PTPRT: variants seen among roughly 807,000 people sequenced by gnomAD.
PTPRT encodes the protein protein tyrosine phosphatase receptor type T.
A neutral mutation model predicts 176.8 loss-of-function variants in PTPRT; 56 were observed. The ratio of observed to expected loss-of-function variants is 0.32; its 90% CI spans 0.26 to 0.40. The LOEUF is 0.40. Among genes scored for constraint, PTPRT ranks in the 10% least tolerant of loss-of-function variants. The pLI is 1.00. For synonymous variants in PTPRT, 783 were observed against 739.0 expected, an observed-to-expected ratio of 1.06 and a Z score of -0.96; for missense variants, 1,540 against 1,908.2, an observed-to-expected ratio of 0.81 and a Z score of 3.60.
chr20:43,160,079 C>T (rs75827137), intron 1 of PTPRT, among the ~76,000 whole-genome samples: 3,416 of 151,930 alleles, frequency 0.022, 58 homozygotes, highest in South Asian at 0.043. Flanking sequence ...CCCGGTGCAA[C>T]CCACCAGCCC....
chr20:42,473,088 G>A (rs575112119), intron 7 of PTPRT, among the ~76,000 whole-genome samples: 3 of 152,204 alleles, frequency 2.0e-5, no homozygotes, highest in Admixed American at 6.5e-5. Context: ...TTATCCATGC[G>A]TTCATCATGA....
chr20:43,147,752 GA>G (rs1164951248), intron 1 of PTPRT, among the ~76,000 whole-genome samples: 1 of 152,140 alleles, frequency 6.6e-6, no homozygotes, highest in Non-Finnish European at 1.5e-5. Context: ...ACAGAGCCCA[GA>G]GCTGCTAGCT....
chr20:42,347,453 T>C (rs77132070), intron 11 of PTPRT, among the ~76,000 whole-genome samples: 2,899 of 152,242 alleles, frequency 0.019, 47 homozygotes, highest in Middle Eastern at 0.051. Flanking sequence ...TCAATGTACC[T>C]AGTGGTTTCA....
chr20:42,594,015 G>C (rs1199390458), intron 7 of PTPRT, among the ~76,000 whole-genome samples: 1 of 152,146 alleles, frequency 6.6e-6, no homozygotes, highest in African/African-American at 2.4e-5. Flanking sequence ...GGGAATTAAT[G>C]AAATTGCAGT....
At chr20:42,879,621 T>A (rs945600619) in intron 2 of PTPRT, among the ~76,000 whole-genome samples, 18 of 152,130 alleles carry the variant, frequency 1.2e-4, no homozygotes, top group Non-Finnish European at 2.5e-4. Context: ...TTTAGACACA[T>A]GAGCAGTTAG....
intron 1 of PTPRT, chr20:42,969,189 TA>T (rs1982477460): frequency 6.6e-6 from 1 of 152,074 alleles, no homozygotes; most frequent in African/African-American, 2.4e-5. Context: ...TTTATAGCCA[TA>T]AAAAAGAAAA....
intron 7 of PTPRT, among the ~76,000 whole-genome samples, chr20:42,628,223 G>A (rs1376233271): frequency 6.6e-6 from 1 of 152,154 alleles, no homozygotes; most frequent in East Asian, 1.9e-4. Flanking sequence ...AGGAGGCAGA[G>A]GGAAGGTAGG....
At chr20:42,630,791 C>T (rs979113764) in intron 7 of PTPRT, among the ~76,000 whole-genome samples, 1 of 152,108 alleles carries the variant, frequency 6.6e-6, no homozygotes, top group Admixed American at 6.5e-5. Context: ...TCACAATGAC[C>T]ATCATGACAT....
chr20:42,488,960 AAAAG>A (rs1238968705), intron 7 of PTPRT, among the ~76,000 whole-genome samples: 4 of 151,654 alleles, frequency 2.6e-5, no homozygotes, highest in Admixed American at 2.6e-4. Context: ...CAAAAAAAAA[AAAAG>A]AAAGAGAGAA....
At chr20:42,691,201 C>T (rs2075787934) in intron 6 of PTPRT, among the ~76,000 whole-genome samples, 1 of 152,210 alleles carries the variant, frequency 6.6e-6, no homozygotes, top group Non-Finnish European at 1.5e-5. Flanking sequence ...AGGAAAAACA[C>T]AGTAGCTGCC....
intron 16 of PTPRT, among the ~76,000 whole-genome samples, chr20:42,182,982 C>T (rs1360805210): frequency 1.3e-5 from 2 of 151,050 alleles, no homozygotes; most frequent in African/African-American, 4.9e-5. Context: ...TTTGTGCTGT[C>T]ACTTTCCTTG....
rs1159755583 is a variant in PTPRT, at chr20:42,771,550, C to A, written c.569G>T (p.Arg190Ile). ...DEVRVLAHPC[R>I]KAPHFLRLQN... ...GAGTCGCAGAAAATGAGGTGCTTTT[C>A]CTAAGAGAGAAACCAAAGAACACAA... Residue 190 changes from arginine (R) to isoleucine (I), a missense_variant and splice_region_variant, in exon 5 of 31, where the codon AGA (arginine) becomes ATA (isoleucine). Coordinates refer to ENST00000373187, the MANE Select transcript of PTPRT (RefSeq NM_007050.6). The A allele has an allele frequency of 6.2e-7, 1 of 1,612,650 alleles. No homozygotes were observed. The highest frequency in any genetic ancestry group is 1.3e-5 in the African/African-American group (1 of 74,878).
intron 6 of PTPRT, among the ~76,000 whole-genome samples, chr20:42,737,632 CA>C (rs3064883): frequency 2.6e-4 from 38 of 144,844 alleles, no homozygotes; most frequent in African/African-American, 4.6e-4. Flanking sequence ...ATTCTGCCTC[CA>C]AAAAAAAAAA....
At chr20:42,316,061 T>C in intron 11 of PTPRT, 65 bp from the exon 12 acceptor site, 1 of 1,554,404 alleles carries the variant, frequency 6.4e-7, no homozygotes, top group Non-Finnish European at 8.8e-7. Flanking sequence ...TTGTTAGCTC[T>C]AATGGTGTCA....
chr20:42,289,394 T>A (rs2057282952), intron 12 of PTPRT, among the ~76,000 whole-genome samples: 1 of 151,962 alleles, frequency 6.6e-6, no homozygotes. Flanking sequence ...GACAGTGGAC[T>A]AGTATCCAGA....
intron 1 of PTPRT, among the ~76,000 whole-genome samples, chr20:42,923,795 G>A (rs180972691): frequency 1.4e-4 from 22 of 152,176 alleles, no homozygotes; most frequent in African/African-American, 3.6e-4. Flanking sequence ...AGTGTCCAGC[G>A]TCATCAATAC....
intron 6 of PTPRT, among the ~76,000 whole-genome samples, chr20:42,717,181 TATAATAATA>T (rs71335871): frequency 0.091 from 13,330 of 146,380 alleles, 689 homozygotes; most frequent in South Asian, 0.17. Flanking sequence ...AAACTTAAAG[TATAATAATA>T]ATAATAATAA....
At chr20:42,082,908 T>C (rs1379105033) in intron 29 of PTPRT, among the ~76,000 whole-genome samples, 1 of 152,142 alleles carries the variant, frequency 6.6e-6, no homozygotes, top group Non-Finnish European at 1.5e-5. Context: ...AGATGTTTTA[T>C]CTACAGGACA....
chr20:43,118,470 C>T (rs1369649493), intron 1 of PTPRT, among the ~76,000 whole-genome samples: 1 of 152,156 alleles, frequency 6.6e-6, no homozygotes, highest in Admixed American at 6.5e-5. Context: ...ATGAGTCTCA[C>T]TCTGTCACCC....
Sources: allele counts gnomAD v4.1 joint callset (sites outside exome capture counted in the v4.1 genomes callset), GRCh38; gene constraint gnomAD v4.1.1; transcripts MANE v1.5; gene names NCBI Gene and HGNC (gene_info 2026-07-23, HGNC 2026-07-21).